Variants in SLC7A13 observed in about 807,000 individuals in gnomAD.
SLC7A13 encodes X-amino acid transporter 2.
SLC7A13 carries 31 observed loss-of-function variants against 32.0 expected under a neutral mutation model. The observed-to-expected ratio is 0.97, with a 90% CI of 0.73 to 1.31. The LOEUF (loss-of-function observed/expected upper bound fraction) is 1.31, where lower values mean the gene tolerates loss of function less well. SLC7A13 is among the 50% of genes most tolerant of loss of function. The pLI, the probability that SLC7A13 is intolerant of heterozygous loss-of-function variation, is 0.00. For synonymous variants in SLC7A13, 232 were observed against 206.9 expected, an observed-to-expected ratio of 1.12 and a Z score of -1.04; for missense variants, 633 against 546.9, an observed-to-expected ratio of 1.16 and a Z score of -1.57.
Position 86,230,378 on chromosome 8 carries a change from T to C in SLC7A13, c.-101A>G, listed in dbSNP as rs1563593458. 2 of 1,126,642 alleles carry C rather than the reference T, an allele frequency of 1.8e-6. No individual in the cohort carries two copies. Among genetic ancestry groups the C allele is most frequent in the African/African-American group, 1.6e-5 (1 of 63,518 alleles). The allele number at this position is 1,126,642 out of a possible 1,614,324, so 69.8% of individuals were successfully genotyped here. A position where few individuals can be genotyped will look rare whatever the true frequency, so the allele number is the denominator to read the frequency against. On this transcript the variant is annotated 5_prime_UTR_variant, in exon 1 of 4. Coordinates refer to ENST00000297524, the MANE Select transcript of SLC7A13 (RefSeq NM_138817.3). ...TTGATGGATTCCTGAAATAAAATAA[T>C]TCTGTCCTTCCTGTTCCATTTTCGT...
At chr8:86,225,962 A>G (rs1820384067) in intron 1 of SLC7A13, among the ~76,000 whole-genome samples, 2 of 152,062 alleles carry the variant, frequency 1.3e-5, no homozygotes, top group South Asian at 4.1e-4. Context: ...ACACCTTGCA[A>G]AGTCGCCTGT....
At chr8:86,215,523 T>C (rs1422857068) in intron 3 of SLC7A13, 1 of 308,596 alleles carries the variant, frequency 3.2e-6, no homozygotes, top group South Asian at 2.4e-5. Flanking sequence ...CCGTCTCTAC[T>C]AAAATTACAA....
In SLC7A13 at chr8:86,229,621, T is replaced by A. The variant is rs1820447431; in HGVS notation, c.657A>T (p.Ser219=). Residue 219 remains serine, a synonymous_variant, in exon 1 of 4, where the codon TCA becomes TCT. Transcript: ENST00000297524. ...QAIFQGYFAY[S]GGACFTLIAG... is the part of the protein sequence containing the mutation. ...CTATAAGTGTAAAGCATGCCCCGCC[T>A]GAATATGCAAAATATCCTTGGAAGA... The A allele has an allele frequency of 6.2e-7, 1 of 1,613,860 alleles. No homozygotes were observed. Among genetic ancestry groups the A allele is most frequent in the Non-Finnish European group, 8.5e-7 (1 of 1,179,994 alleles).
Position 86,227,386 on chromosome 8 carries a change from G to A in SLC7A13, c.685+2207C>T, listed in dbSNP as rs796105291. On this transcript the variant is annotated intron_variant, in intron 1 of 3. Transcript: ENST00000297524. ...ATGTGAAAAGTCCTTAAGGGGATGG[G>A]AGGGAAAAGATAAAGAATTCAAGGG... Among the ~76,000 whole-genome samples the A allele has an allele frequency of 3.3e-5, 5 of 152,262 alleles. 1 individual carries two copies. Among genetic ancestry groups the A allele is most frequent in the African/African-American group, 9.6e-5 (4 of 41,552 alleles).
chr8:86,223,415 A>G (rs554050443), intron 1 of SLC7A13, among the ~76,000 whole-genome samples: 3 of 152,140 alleles, frequency 2.0e-5, no homozygotes, highest in African/African-American at 7.2e-5. Flanking sequence ...GTGAGAAGGT[A>G]TAATATTTCT....
Position 86,230,264 on chromosome 8 carries a change from T to G in SLC7A13, c.14A>C (p.Glu5Ala), listed in dbSNP as rs1160249955. ...AAACACTCTCTTGAGCTGTATTTTCTCCCCTCTATCCATTGTAATTGAAGA... is the reference window on the plus strand; with the variant it reads ...AAACACTCTCTTGAGCTGTATTTTCGCCCCTCTATCCATTGTAATTGAAGA... MDRGEKIQLKRVFGY... is the reference protein window; with the variant it reads MDRGAKIQLKRVFGY... The change falls in exon 1 of 4, where the codon GAG becomes GCG. Residue 5 changes from glutamate (E) to alanine (A), a missense_variant. Physicochemically the swap from Glu to Ala is moderately radical, Grantham distance 107 (BLOSUM62 -1). Coordinates refer to ENST00000297524, the MANE Select transcript of SLC7A13 (RefSeq NM_138817.3). 7 of 1,567,998 alleles carry G rather than the reference T, an allele frequency of 4.5e-6. No homozygotes were observed. The South Asian group carries it at 8.4e-5, about 19-fold the overall frequency.
chr8:86,216,870 T>G (rs1168768018), intron 3 of SLC7A13, among the ~76,000 whole-genome samples: 1 of 152,202 alleles, frequency 6.6e-6, no homozygotes, highest in Non-Finnish European at 1.5e-5. Context: ...CTAAGATTAT[T>G]TTATTATTCT....
At chr8:86,226,694 C>T (rs1014155011) in intron 1 of SLC7A13, among the ~76,000 whole-genome samples, 5 of 152,092 alleles carry the variant, frequency 3.3e-5, no homozygotes, top group African/African-American at 9.7e-5. Flanking sequence ...TTTTGTCCTT[C>T]GTCTCTCTAT....
rs1221769939 is a variant in SLC7A13, at chr8:86,230,208, T to C, written c.70A>G (p.Ile24Val). The C allele has an allele frequency of 6.2e-7, 1 of 1,613,592 alleles. No homozygotes were observed. The highest frequency in any genetic ancestry group is 8.5e-7 in the Non-Finnish European group (1 of 1,179,842). ...GYWWGTSFLL[I>V]NIIGAGIFVS... ...AAAATTCCTGCACCAATGATATTAA[T>C]AAGCAAAAAACTTGTGCCCCACCAA... Residue 24 changes from isoleucine to valine, a missense_variant, in exon 1 of 4, where the codon ATT becomes GTT. Transcript: ENST00000297524.
At position 86,229,586 on chromosome 8, in the gene SLC7A13, T is replaced by C. The variant is rs771926641; in HGVS notation, c.685+7A>G. Reference sequence around the variant, plus strand: ...ATTTTAGATTTTTTTCCTCAATGGATTGTTACCTGCTATAAGTGTAAAGCA... The same window carrying C: ...ATTTTAGATTTTTTTCCTCAATGGACTGTTACCTGCTATAAGTGTAAAGCA... On this transcript the variant is annotated splice_region_variant and intron_variant, in intron 1 of 3. Coordinates refer to ENST00000297524, the MANE Select transcript of SLC7A13 (RefSeq NM_138817.3). The C allele has an allele frequency of 3.5e-5, 56 of 1,602,896 alleles. No homozygotes were observed. The highest frequency in any genetic ancestry group is 1.7e-4 in the Admixed American group (10 of 58,622).
At position 86,214,598 on chromosome 8, in the gene SLC7A13, C is replaced by G; in HGVS notation, c.1228G>C (p.Val410Leu). Residue 410 changes from valine (V) to leucine (L), a missense_variant, in exon 4 of 4, where the codon GTT (valine) becomes CTT (leucine). Coordinates refer to ENST00000297524, the MANE Select transcript of SLC7A13 (RefSeq NM_138817.3). ...GGAGACTTTACCAATGGTATCACAA[C>G]CAAGCCCACGTCGATGACTATTGTT... ...LATIVIDVGL[V>L]VIPLVKSPNV... 6.2e-7 allele frequency: 1 copy of G among 1,613,560 alleles called. No homozygotes were observed. The highest frequency in any genetic ancestry group is 8.5e-7 in the Non-Finnish European group (1 of 1,179,752).
In SLC7A13 at chr8:86,223,072, G is replaced by A. The variant is rs1427791947; in HGVS notation, c.717C>T (p.Pro239=). The A allele has an allele frequency of 1.9e-6, 3 of 1,604,118 alleles. No individual in the cohort carries two copies. Among genetic ancestry groups the A allele is most frequent in the Non-Finnish European group, 2.6e-6 (3 of 1,175,340 alleles). ...GAGGTAACGCAGTAAATATGCATTT[G>A]GGAATTGTTGTTCTGGGCTTCTTCA... The part of the protein sequence containing the change: ...GELKKPRTTI[P]KCIFTALPLV... The change falls in exon 2 of 4, where the codon CCC becomes CCT. Residue 239 remains proline (P), a synonymous_variant. Transcript: ENST00000297524.
At chr8:86,224,281 G>A (rs1268772926) in intron 1 of SLC7A13, among the ~76,000 whole-genome samples, 1 of 152,050 alleles carries the variant, frequency 6.6e-6, no homozygotes, top group Non-Finnish European at 1.5e-5. Context: ...TTGCCATAGG[G>A]TCTACTCTCT....
chr8:86,225,209 A>G (rs1305401744), intron 1 of SLC7A13, among the ~76,000 whole-genome samples: 1 of 152,140 alleles, frequency 6.6e-6, no homozygotes, highest in African/African-American at 2.4e-5. Flanking sequence ...AATTTCTTCC[A>G]TCTGTGTCTG....
intron 2 of SLC7A13, among the ~76,000 whole-genome samples, chr8:86,220,268 G>A (rs1423688660): frequency 2.6e-5 from 4 of 152,130 alleles, no homozygotes; most frequent in Non-Finnish European, 5.9e-5. Context: ...ACCCCTGTCA[G>A]CAGTGTGTGG....
intron 1 of SLC7A13, among the ~76,000 whole-genome samples, chr8:86,229,250 T>A (rs796320355): frequency 6.6e-6 from 1 of 152,296 alleles, no homozygotes; most frequent in African/African-American, 2.4e-5. Flanking sequence ...TGGCATTGGA[T>A]CATTCCTGGA....
intron 2 of SLC7A13, among the ~76,000 whole-genome samples, chr8:86,222,532 T>A (rs565448588): frequency 6.6e-6 from 1 of 152,314 alleles, no homozygotes; most frequent in African/African-American, 2.4e-5. Flanking sequence ...ATTAATTATA[T>A]GCATCAATTG....
rs189885150 is a variant in SLC7A13, at chr8:86,229,919, A to G, written c.359T>C (p.Ile120Thr). ...GQALLLAEYSIQPFFPSCSVP... is the reference protein window; with the variant it reads ...GQALLLAEYSTQPFFPSCSVP... ...AGAGCAGCTGGGAAAAAAAGGCTGG[A>G]TGCTGTACTCAGCAAGGAGCAGAGC... Residue 120 changes from isoleucine to threonine, a missense_variant, in exon 1 of 4, where the codon ATC becomes ACC. By Grantham distance (89) the Ile-to-Thr change is moderately conservative. Transcript: ENST00000297524. 9.3e-6 allele frequency: 15 copies of G among 1,614,068 alleles called. No homozygotes were observed. Among genetic ancestry groups the G allele is most frequent in the Non-Finnish European group, 1.2e-5 (14 of 1,180,034 alleles).
chr8:86,229,691 G>A lies in SLC7A13; in HGVS notation c.587C>T (p.Ala196Val). ...KKENVERFQN[A>V]FDAELPDISH... Reference sequence around the variant, plus strand: ...GATATCTGGAAGTTCAGCATCAAAAGCATTCTGAAATCGTTCTACATTCTC... The same window carrying A: ...GATATCTGGAAGTTCAGCATCAAAAACATTCTGAAATCGTTCTACATTCTC... Residue 196 changes from alanine to valine, a missense_variant, in exon 1 of 4, where the codon GCT (alanine) becomes GTT (valine). By Grantham distance (64) the Ala-to-Val change is moderately conservative. Coordinates refer to ENST00000297524, the MANE Select transcript of SLC7A13 (RefSeq NM_138817.3). 3 of 1,614,142 alleles carry A rather than the reference G, an allele frequency of 1.9e-6. No homozygotes were observed. The highest frequency in any genetic ancestry group is 2.7e-5 in the African/African-American group (2 of 75,038).
Sources: allele counts gnomAD v4.1 joint callset (sites outside exome capture counted in the v4.1 genomes callset), GRCh38; gene constraint gnomAD v4.1.1; transcripts MANE v1.5; gene names NCBI Gene and HGNC (gene_info 2026-07-23, HGNC 2026-07-21).